TRIOBP: variants seen among roughly 807,000 people sequenced by gnomAD.
The protein encoded by TRIOBP is TRIO and F-actin binding protein.
TRIOBP carries 169 observed loss-of-function variants against 238.8 expected under a neutral mutation model. The ratio of observed to expected loss-of-function variants is 0.71; its 90% CI spans 0.62 to 0.80. The LOEUF (loss-of-function observed/expected upper bound fraction) is 0.80, where lower values mean the gene tolerates loss of function less well. Ranked by LOEUF, TRIOBP falls within the 30% of genes least tolerant of loss-of-function variation. The pLI is 0.00. For synonymous variants in TRIOBP, 1,150 were observed against 1,274.4 expected (o/e 0.90, Z 2.08); for missense variants, 2,838 against 3,122.6 (o/e 0.91, Z 2.17).
chr22:37,703,717 G>C (rs1922781559), intron 3 of TRIOBP, among the ~76,000 whole-genome samples: 1 of 151,710 alleles, frequency 6.6e-6, no homozygotes, highest in Non-Finnish European at 1.5e-5. Context: ...TGTTAGCCAG[G>C]ATGGCCTCGA....
chr22:37,719,989 C>CACACTGCACTCCCTGTTTCCCTCAT (rs367687004), intron 6 of TRIOBP, among the ~76,000 whole-genome samples: 2 of 71,208 alleles, frequency 2.8e-5, no homozygotes, highest in Non-Finnish European at 5.1e-5. Flanking sequence ...TTTCACTCAT[C>CACACTGCACTCCCTGTTTCCCTCAT]CCCCCCCGCC....
rs1229817261 is a variant in TRIOBP, at chr22:37,771,679, C to G, written c.6879C>G (p.Leu2293=). 1.9e-6 allele frequency: 3 copies of G among 1,614,038 alleles called. No individual in the cohort carries two copies. Among genetic ancestry groups the G allele is most frequent in the African/African-American group, 1.3e-5 (1 of 74,920 alleles). ...EVLLRVKENE[L]QYLKKEVQCL... is the part of the protein sequence containing the mutation. The stretch of plus-strand genomic sequence containing the variant: ...TGCTTCGCGTAAAAGAAAACGAACT[C>G]CAGTACCTAAAGAAGGAGGTGCAGT... The change falls in exon 22 of 24, where the codon CTC becomes CTG. Residue 2293 remains leucine, a synonymous_variant. Coordinates refer to ENST00000644935, the MANE Select transcript of TRIOBP (RefSeq NM_001039141.3).
At chr22:37,711,578 CAAA>C (rs1185976077) in intron 4 of TRIOBP, among the ~76,000 whole-genome samples, 4 of 18,042 alleles carry the variant, frequency 2.2e-4, no homozygotes, top group South Asian at 2.5e-3. Flanking sequence ...GGCTCCGTCT[CAAA>C]AAAAAAAAAA....
intron 17 of TRIOBP, among the ~76,000 whole-genome samples, chr22:37,763,027 G>A (rs1926318532): frequency 6.6e-6 from 1 of 152,162 alleles, no homozygotes; most frequent in African/African-American, 2.4e-5. Context: ...CACTCAGGAA[G>A]GTAGGTGAGA....
chr22:37,759,625 G>T, intron 17 of TRIOBP: 1 of 1,540,900 alleles, frequency 6.5e-7, no homozygotes, highest in Non-Finnish European at 8.7e-7. Context: ...TAGTGGCCCC[G>T]AGAGTCACTC....
In TRIOBP at chr22:37,706,071, C is replaced by G. The variant is rs950979408; in HGVS notation, c.115-4356C>G. Among the ~76,000 whole-genome samples the G allele has an allele frequency of 2.0e-5, 3 of 151,998 alleles. No homozygotes were observed. The South Asian group carries it at 6.2e-4, about 32-fold the overall frequency. On this transcript the variant is annotated intron_variant, in intron 3 of 23. Coordinates refer to ENST00000644935, the MANE Select transcript of TRIOBP (RefSeq NM_001039141.3). ...AGATGGAGGCAAATGGACACATTTC[C>G]GAACTAATTGAGCAGGCACGTCTAC...
intron 4 of TRIOBP, among the ~76,000 whole-genome samples, chr22:37,711,763 A>G (rs1254171274): frequency 6.6e-6 from 1 of 152,188 alleles, no homozygotes; most frequent in East Asian, 1.9e-4. Flanking sequence ...CTTTTGGGTA[A>G]CGGAAGTAGA....
Position 37,765,796 on chromosome 22 carries a change from G to T in TRIOBP, c.6451G>T (p.Glu2151Ter). 1 of 1,588,782 alleles carries T rather than the reference G, an allele frequency of 6.3e-7. No homozygotes were observed. ...QQEKEWLLAE[E>*]TAATASAIEA... ...GGAGAAGGAGTGGCTCCTGGCTGAG[G>T]AGACGGCAGCCACGGCCTCAGGTAT... Residue 2151 changes from glutamate (E) to a stop codon, truncating the protein, a stop_gained, in exon 18 of 24, where the codon GAG becomes TAG. Coordinates refer to ENST00000644935, the MANE Select transcript of TRIOBP (RefSeq NM_001039141.3). LOFTEE classifies it high-confidence loss of function.
At chr22:37,741,822 C>G (rs1013592007) in intron 11 of TRIOBP, among the ~76,000 whole-genome samples, 1 of 152,206 alleles carries the variant, frequency 6.6e-6, no homozygotes, top group African/African-American at 2.4e-5. Context: ...ACTTACTGAG[C>G]CTCGGTTGCC....
intron 15 of TRIOBP, among the ~76,000 whole-genome samples, chr22:37,757,207 T>A (rs965232293): frequency 8.6e-5 from 13 of 151,868 alleles, no homozygotes; most frequent in Non-Finnish European, 1.8e-4. Context: ...ATCAAAAATT[T>A]AAAAAATTAG....
In TRIOBP at chr22:37,768,156, T is replaced by G. The variant is rs1926594428; in HGVS notation, c.6555T>G (p.Asp2185Glu). 1 of 1,612,852 alleles carries G rather than the reference T, an allele frequency of 6.2e-7. No homozygotes were observed. Among genetic ancestry groups the G allele is most frequent in the Admixed American group, 1.7e-5 (1 of 59,808 alleles). Reference protein sequence around the residue: ...SKTRSLQQGPDGLRKQHQSDV... With the variant: ...SKTRSLQQGPEGLRKQHQSDV... ...CACGGAGTCTCCAGCAGGGCCCGGA[T>G]GGCCTCCGGAAGCAGCACCAGTAAG... The change falls in exon 19 of 24, where the codon GAT (aspartate) becomes GAG (glutamate). Residue 2185 changes from aspartate (D) to glutamate (E), a missense_variant. Asp to Glu is a conservative substitution (Grantham distance 45). Coordinates refer to ENST00000644935, the MANE Select transcript of TRIOBP (RefSeq NM_001039141.3).
intron 17 of TRIOBP, among the ~76,000 whole-genome samples, chr22:37,763,409 A>G (rs577420838): frequency 6.6e-6 from 1 of 152,256 alleles, no homozygotes; most frequent in African/African-American, 2.4e-5. Flanking sequence ...GCAGGAACAG[A>G]AGCCAGGGGA....
At chr22:37,761,709 A>G (rs549245088) in intron 17 of TRIOBP, among the ~76,000 whole-genome samples, 31 of 151,956 alleles carry the variant, frequency 2.0e-4, no homozygotes, top group Admixed American at 7.9e-4. Flanking sequence ...CTGCTGCTCC[A>G]GGGAAGCCCG....
chr22:37,740,839 G>A (rs1924897837), intron 10 of TRIOBP, 56 bp from the exon 11 acceptor site: 1 of 1,551,870 alleles, frequency 6.4e-7, no homozygotes, highest in Non-Finnish European at 8.7e-7. Context: ...CTGTAGCCAG[G>A]GGTGCCCCCA....
Position 37,752,605 on chromosome 22 carries a change from T to G in TRIOBP, c.5379+777T>G, listed in dbSNP as rs574974899. Reference sequence around the variant, plus strand: ...GGCTTTGAGCCAGAGGGGATTTCATTGTGTTTCCGGCCCACATGTTTTATT... The same window carrying G: ...GGCTTTGAGCCAGAGGGGATTTCATGGTGTTTCCGGCCCACATGTTTTATT... On this transcript the variant is annotated intron_variant, in intron 12 of 23. Coordinates refer to ENST00000644935, the MANE Select transcript of TRIOBP (RefSeq NM_001039141.3). 2.6e-5 allele frequency among the ~76,000 whole-genome samples: 4 copies of G among 152,260 alleles called. No homozygotes were observed. In the South Asian group the frequency reaches 8.3e-4, roughly 32 times the overall value.
chr22:37,719,075 C>T (rs1371293214), intron 6 of TRIOBP, among the ~76,000 whole-genome samples: 3 of 150,844 alleles, frequency 2.0e-5, no homozygotes, highest in African/African-American at 7.3e-5. Flanking sequence ...ATCCGGGACA[C>T]GCCTATAGTC....
chr22:37,712,082 T>C (rs886400377), intron 4 of TRIOBP, among the ~76,000 whole-genome samples: 12 of 151,876 alleles, frequency 7.9e-5, no homozygotes, highest in African/African-American at 2.4e-4. Context: ...GCTGGGGCAA[T>C]AGTTTTGGTT....
rs774310908 is a variant in TRIOBP at position 37,715,745 on chromosome 22, C to A, written c.457-18C>A. On this transcript the variant is annotated intron_variant, in intron 5 of 23. Transcript: ENST00000644935. ...TTTTTCTCCCGCAAACATACTTTCTCCTCCCCTTCTCTGGCAGGACTGGGA... is the reference window on the plus strand; with the variant it reads ...TTTTTCTCCCGCAAACATACTTTCTACTCCCCTTCTCTGGCAGGACTGGGA... The A allele has an allele frequency of 1.9e-6, 3 of 1,613,172 alleles. No individual in the cohort carries two copies. The African/African-American group carries it at 4.0e-5, about 22-fold the overall frequency.
chr22:37,754,873 G>C lies in TRIOBP; in HGVS notation c.5380-4G>C. The C allele has an allele frequency of 3.1e-6, 5 of 1,613,878 alleles. No individual in the cohort carries two copies. The highest frequency in any genetic ancestry group is 4.2e-6 in the Non-Finnish European group (5 of 1,179,860). ...CTGGCTCTTTCATTCCATCCTCCTT[G>C]CAGCCTCCCTCCCCCTCGCTCACCA... On this transcript the variant is annotated splice_polypyrimidine_tract_variant and splice_region_variant and intron_variant, in intron 12 of 23. Transcript: ENST00000644935.
Sources: allele counts gnomAD v4.1 joint callset (sites outside exome capture counted in the v4.1 genomes callset), GRCh38; gene constraint gnomAD v4.1.1; transcripts MANE v1.5; gene names NCBI Gene and HGNC (gene_info 2026-07-23, HGNC 2026-07-21).